SLC7A11: variants seen among roughly 807,000 people sequenced by gnomAD.
The protein encoded by SLC7A11 is solute carrier family 7 member 11.
In SLC7A11, 35 loss-of-function variants were observed where a neutral mutation model predicts 54.5. The observed-to-expected ratio is 0.64, with a 90% CI of 0.49 to 0.85. The LOEUF (loss-of-function observed/expected upper bound fraction) is 0.85. Among genes scored for constraint, SLC7A11 ranks in the 40% least tolerant of loss-of-function variants. The probability of loss-of-function intolerance (pLI) is 0.00; values close to 1 mark genes in which losing one functional copy is unlikely to be tolerated. For missense variants in SLC7A11, 583 were observed against 618.1 expected, an observed-to-expected ratio of 0.94 and a Z score of 0.60; for synonymous variants, 230 against 225.2, an observed-to-expected ratio of 1.02 and a Z score of -0.19.
At chr4:138,223,376 A>G in intron 3 of SLC7A11, 52 bp from the exon 4 acceptor site, 1 of 1,598,052 alleles carries the variant, frequency 6.3e-7, no homozygotes, top group Non-Finnish European at 8.6e-7. Flanking sequence ...TGGCACAAAG[A>G]CATTTTAGGT....
At position 138,166,034 on chromosome 4, in the gene SLC7A11, G is replaced by A. The variant is rs1461670283; in HGVS notation, c.*5922C>T. ...TTTAACATAGATCGTTTCTAGTCGA[G>A]TATGAGCATACATTCATGGGAACAA... On this transcript the variant is annotated 3_prime_UTR_variant, in exon 12 of 12. Transcript: ENST00000280612. 6.6e-6 allele frequency: 1 copy of A among 152,110 alleles called. No homozygotes were observed. The highest frequency in any genetic ancestry group is 1.5e-5 in the Non-Finnish European group (1 of 68,004). 9.4% of individuals were successfully genotyped at this position (152,110 alleles called of 1,614,324 possible).
intron 6 of SLC7A11, among the ~76,000 whole-genome samples, chr4:138,204,009 T>C (rs1737349364): frequency 6.6e-6 from 1 of 152,116 alleles, no homozygotes; most frequent in South Asian, 2.1e-4. Flanking sequence ...AGAATTCTTC[T>C]ATGGCTGTAT....
At chr4:138,197,421 A>G (rs867280962) in intron 6 of SLC7A11, among the ~76,000 whole-genome samples, 1 of 152,144 alleles carries the variant, frequency 6.6e-6, no homozygotes, top group African/African-American at 2.4e-5. Context: ...GATTAATGTC[A>G]TTGGTAGGTA....
chr4:138,237,547 GCCA>G (rs1327488102), intron 1 of SLC7A11, among the ~76,000 whole-genome samples: 2 of 148,842 alleles, frequency 1.3e-5, no homozygotes, highest in African/African-American at 5.0e-5. Flanking sequence ...ACAGGTGGCT[GCCA>G]CCACATCTGG....
At chr4:138,188,598 G>A (rs7663187) in intron 6 of SLC7A11, among the ~76,000 whole-genome samples, 137,693 of 152,208 alleles carry the variant, frequency 0.9, 63,643 homozygotes, top group Non-Finnish European at 0.99. Flanking sequence ...AGAGCCACTG[G>A]GTGAACTGAT....
chr4:138,177,101 G>A (rs564670682), intron 11 of SLC7A11: 1 of 152,168 alleles, frequency 6.6e-6, no homozygotes, highest in East Asian at 1.9e-4. Context: ...AATTCCAATT[G>A]AATGCTAATA....
chr4:138,190,720 G>A (rs1736990161), intron 6 of SLC7A11, among the ~76,000 whole-genome samples: 1 of 152,082 alleles, frequency 6.6e-6, no homozygotes, highest in Non-Finnish European at 1.5e-5. Context: ...CATACATTTT[G>A]ACATACTTTC....
intron 1 of SLC7A11, among the ~76,000 whole-genome samples, chr4:138,237,480 C>A (rs1738240796): frequency 6.7e-6 from 1 of 149,556 alleles, no homozygotes; most frequent in South Asian, 2.1e-4. Flanking sequence ...TCATTGCAAC[C>A]TCTGCCTCCT....
In SLC7A11 at chr4:138,167,580, G is replaced by A. The variant is rs146064679; in HGVS notation, c.*4376C>T. The A allele has an allele frequency of 6.6e-5, 10 of 152,234 alleles. No individual in the cohort carries two copies. The highest frequency in any genetic ancestry group is 2.1e-4 in the South Asian group (1 of 4,820). The allele number at this position is 152,234 out of a possible 1,614,324, so 9.4% of individuals were successfully genotyped here. On this transcript the variant is annotated 3_prime_UTR_variant, in exon 12 of 12. Coordinates refer to ENST00000280612, the MANE Select transcript of SLC7A11 (RefSeq NM_014331.4). ...ATATGAAAATTAAGCTTAAATACAC[G>A]TATAGGTAATAATTATTTTGCCCAT...
chr4:138,212,793 T>C (rs1737582042), intron 6 of SLC7A11, among the ~76,000 whole-genome samples: 2 of 151,690 alleles, frequency 1.3e-5, no homozygotes, highest in Admixed American at 6.6e-5. Flanking sequence ...AAAGATAATA[T>C]GAATTATATC....
Position 138,237,732 on chromosome 4 carries a change from TATATA to T in SLC7A11, c.278-1286_278-1282del, listed in dbSNP as rs1374726416. Among the ~76,000 whole-genome samples the T allele has an allele frequency of 2.1e-3, 28 of 13,420 alleles. 2 individuals carry two copies. Among genetic ancestry groups the T allele is most frequent in the African/African-American group, 2.6e-3 (9 of 3,416 alleles). The allele number at this position is 13,420 out of a possible 152,430, so 8.8% of individuals were successfully genotyped here. On this transcript the variant is annotated intron_variant, in intron 1 of 11. Transcript: ENST00000280612. Reference sequence around the variant, plus strand: ...ATATATATATATATATATATATATATATATATTTTTTTTTTTTTTTTTTTTTTTTT... The same window carrying T: ...ATATATATATATATATATATATATATTTTTTTTTTTTTTTTTTTTTTTTTT...
intron 6 of SLC7A11, among the ~76,000 whole-genome samples, chr4:138,189,140 T>C (rs983748783): frequency 8.5e-5 from 13 of 152,188 alleles, no homozygotes; most frequent in Admixed American, 8.5e-4. Flanking sequence ...CTCTAAAACA[T>C]GTGCTTAGAA....
intron 3 of SLC7A11, among the ~76,000 whole-genome samples, chr4:138,229,765 T>C (rs1738030188): frequency 6.6e-6 from 1 of 152,202 alleles, no homozygotes; most frequent in African/African-American, 2.4e-5. Context: ...AAAACATAAA[T>C]ATAGCATTAG....
chr4:138,198,122 TG>T (rs1737185449), intron 6 of SLC7A11, among the ~76,000 whole-genome samples: 1 of 148,280 alleles, frequency 6.7e-6, no homozygotes, highest in African/African-American at 2.5e-5. Context: ...AGGTAAAGAG[TG>T]GGCTGTAAAA....
intron 11 of SLC7A11, chr4:138,176,909 A>ATATAGAT (rs1215891087): frequency 3.5e-4 from 54 of 152,272 alleles, no homozygotes; most frequent in African/African-American, 1.2e-3. Flanking sequence ...TGTCTAGAAC[A>ATATAGAT]CAGAAAACTT....
intron 6 of SLC7A11, among the ~76,000 whole-genome samples, chr4:138,204,834 C>T (rs570256874): frequency 1.3e-4 from 20 of 152,134 alleles, no homozygotes; most frequent in South Asian, 2.1e-4. Flanking sequence ...TTCCCATCAT[C>T]TTCTGAACCT....
At chr4:138,189,764 T>A (rs1439744921) in intron 6 of SLC7A11, among the ~76,000 whole-genome samples, 1 of 152,138 alleles carries the variant, frequency 6.6e-6, no homozygotes, top group Non-Finnish European at 1.5e-5. Context: ...TGCAACTCTA[T>A]CATGGAGCAT....
Position 138,221,601 on chromosome 4 carries a change from G to A in SLC7A11, c.646+1598C>T, listed in dbSNP as rs1048400795. ...GAATAAGCCTGTCACATTAAGCATT[G>A]ATATCATGATTATTGATTAAAGTGT... On this transcript the variant is annotated intron_variant, in intron 4 of 11. Coordinates refer to ENST00000280612, the MANE Select transcript of SLC7A11 (RefSeq NM_014331.4). Among the ~76,000 whole-genome samples the A allele has an allele frequency of 2.0e-5, 3 of 152,016 alleles. No homozygotes were observed. In the East Asian group the frequency reaches 5.8e-4, roughly 29 times the overall value.
chr4:138,185,551 A>T (rs865975606), intron 6 of SLC7A11, among the ~76,000 whole-genome samples: 2 of 152,238 alleles, frequency 1.3e-5, no homozygotes, highest in Middle Eastern at 6.8e-3. Flanking sequence ...GATGCATCAG[A>T]ATCACCTGCA....
Sources: allele counts gnomAD v4.1 joint callset (sites outside exome capture counted in the v4.1 genomes callset), GRCh38; gene constraint gnomAD v4.1.1; transcripts MANE v1.5; gene names NCBI Gene and HGNC (gene_info 2026-07-23, HGNC 2026-07-21).